Variants in PTBP3 observed in about 807,000 individuals in gnomAD.
The protein encoded by PTBP3 is polypyrimidine tract-binding protein 3.
PTBP3 carries 20 observed loss-of-function variants against 58.7 expected under a neutral mutation model. The ratio of observed to expected loss-of-function variants is 0.34; its 90% CI spans 0.24 to 0.50. PTBP3 has a LOEUF of 0.50. Among genes scored for constraint, PTBP3 ranks in the 20% least tolerant of loss-of-function variants. The pLI is 0.98. For synonymous variants in PTBP3, 185 were observed against 219.8 expected (o/e 0.84, Z 1.40); for missense variants, 509 against 637.2 (o/e 0.80, Z 2.17).
intron 7 of PTBP3, among the ~76,000 whole-genome samples, chr9:112,235,242 A>T (rs906728001): frequency 1.5e-4 from 23 of 151,568 alleles, no homozygotes; most frequent in Admixed American, 7.9e-4. Context: ...ATGCTGATTT[A>T]AAAAAAAATG....
At chr9:112,345,897 C>G in the PTBP3 span, among the ~76,000 whole-genome samples, 1 of 151,976 alleles carries the variant, frequency 6.6e-6, no homozygotes, top group East Asian at 1.9e-4. Context: ...CTCTGTTGCC[C>G]AGGCTGGAGT....
intron 2 of PTBP3, among the ~76,000 whole-genome samples, chr9:112,277,911 CATAACATAACAT>C (rs1564427452): frequency 2.4e-5 from 3 of 124,750 alleles, no homozygotes; most frequent in African/African-American, 9.8e-5. Flanking sequence ...CATAACATAA[CATAACATAACAT>C]AACATAACAT....
At chr9:112,345,341 TAAAAAAAAAAAAAA>T in the PTBP3 span, among the ~76,000 whole-genome samples, 1 of 63,688 alleles carries the variant, frequency 1.6e-5, no homozygotes, top group African/African-American at 5.6e-5. Context: ...CCCTCATCTC[TAAAAAAAAAAAAAA>T]AAAAAAAAAA....
At chr9:112,270,243 C>T (rs1827316599) in intron 3 of PTBP3, among the ~76,000 whole-genome samples, 1 of 152,080 alleles carries the variant, frequency 6.6e-6, no homozygotes, top group African/African-American at 2.4e-5. Context: ...CTTCTCCGTA[C>T]TCAATGTTTC....
the PTBP3 span, among the ~76,000 whole-genome samples, chr9:112,364,113 C>T: frequency 6.7e-6 from 1 of 148,850 alleles, no homozygotes; most frequent in Non-Finnish European, 1.5e-5. Flanking sequence ...TCCAGACTGG[C>T]TTCTTTCGCT....
chr9:112,294,603 C>T (rs930402912), intron 2 of PTBP3, among the ~76,000 whole-genome samples: 1 of 152,158 alleles, frequency 6.6e-6, no homozygotes, highest in African/African-American at 2.4e-5. Context: ...CAATTAAGAA[C>T]AAGACAAAGA....
At chr9:112,358,711 G>C in the PTBP3 span, among the ~76,000 whole-genome samples, 1 of 152,114 alleles carries the variant, frequency 6.6e-6, no homozygotes, top group African/African-American at 2.4e-5. Flanking sequence ...ACTCACTTGA[G>C]GCCAAGAGTT....
At chr9:112,281,623 G>A (rs1242405776) in intron 2 of PTBP3, among the ~76,000 whole-genome samples, 1 of 152,136 alleles carries the variant, frequency 6.6e-6, no homozygotes, top group East Asian at 1.9e-4. Flanking sequence ...GTCTGTGTAG[G>A]ATTGGTATTA....
At chr9:112,307,775 C>T (rs186997975) in intron 1 of PTBP3, among the ~76,000 whole-genome samples, 3 of 152,214 alleles carry the variant, frequency 2.0e-5, no homozygotes, top group African/African-American at 4.8e-5. Flanking sequence ...AAGAGTCACA[C>T]TACTTTGTAA....
In PTBP3 at chr9:112,333,513, CG is replaced by C. The variant is rs555391155; in HGVS notation, c.-96del. ...GAGGCGCGCACAGAGCAGGGACTGA[CG>C]GGCTAACCGCGAGCAGAGGAAGCAG... On this transcript the variant is annotated 5_prime_UTR_variant, in exon 1 of 14. Coordinates refer to ENST00000374257, the MANE Select transcript of PTBP3 (RefSeq NM_001163788.4). 4.2e-5 allele frequency: 67 copies of C among 1,583,368 alleles called. No homozygotes were observed. The African/African-American group carries it at 8.9e-4, about 21-fold the overall frequency.
In PTBP3 at chr9:112,219,218, G is replaced by A. The variant is rs763012898; in HGVS notation, c.*4633C>T. The A allele has an allele frequency of 6.6e-6, 1 of 152,458 alleles. No homozygotes were observed. Among genetic ancestry groups the A allele is most frequent in the Non-Finnish European group, 1.5e-5 (1 of 68,026 alleles). 9.4% of individuals were successfully genotyped at this position (152,458 alleles called of 1,614,324 possible). A position where few individuals can be genotyped will look rare whatever the true frequency, so the allele number is the denominator to read the frequency against. On this transcript the variant is annotated 3_prime_UTR_variant, in exon 14 of 14. Coordinates refer to ENST00000374257, the MANE Select transcript of PTBP3 (RefSeq NM_001163788.4). ...GACACTTTGATGCAAAACTTTGCTT[G>A]GTCAGCAATCTTTATAACTGGTACT... is the stretch of plus-strand genomic sequence containing the variant.
chr9:112,323,551 A>G (rs769149602), intron 1 of PTBP3, among the ~76,000 whole-genome samples: 4 of 152,252 alleles, frequency 2.6e-5, no homozygotes, highest in Non-Finnish European at 5.9e-5. Context: ...ATAACATGCA[A>G]TAAAAACGGA....
At chr9:112,376,558 G>A in the PTBP3 span, among the ~76,000 whole-genome samples, 1 of 151,948 alleles carries the variant, frequency 6.6e-6, no homozygotes, top group Non-Finnish European at 1.5e-5. Context: ...AGCCTATTAA[G>A]TATTAACTCA....
intron 1 of PTBP3, among the ~76,000 whole-genome samples, chr9:112,319,484 C>T (rs1188159764): frequency 6.6e-6 from 1 of 152,118 alleles, no homozygotes; most frequent in African/African-American, 2.4e-5. Context: ...CAAGACACTA[C>T]AAATTAAAAC....
intron 10 of PTBP3, among the ~76,000 whole-genome samples, chr9:112,229,589 A>G (rs2131966442): frequency 6.6e-6 from 1 of 152,182 alleles, no homozygotes; most frequent in African/African-American, 2.4e-5. Flanking sequence ...AAATCTTTCA[A>G]TAGTTACATC....
chr9:112,294,696 T>C (rs888899913), intron 2 of PTBP3, among the ~76,000 whole-genome samples: 1 of 152,198 alleles, frequency 6.6e-6, no homozygotes. Context: ...AATCCATATA[T>C]TTATATACTC....
At chr9:112,246,378 A>G (rs1332670463) in intron 7 of PTBP3, among the ~76,000 whole-genome samples, 1 of 152,120 alleles carries the variant, frequency 6.6e-6, no homozygotes, top group African/African-American at 2.4e-5. Flanking sequence ...ACAGTAACAA[A>G]TAATTTTGGC....
chr9:112,305,094 CAGG>C (rs757685103), intron 1 of PTBP3, among the ~76,000 whole-genome samples: 17 of 152,072 alleles, frequency 1.1e-4, no homozygotes, highest in Admixed American at 2.0e-4. Context: ...TTTATTTTTA[CAGG>C]AGTTTTTCAA....
intron 7 of PTBP3, among the ~76,000 whole-genome samples, chr9:112,250,598 C>T (rs1836069755): frequency 6.6e-6 from 1 of 152,148 alleles, no homozygotes; most frequent in East Asian, 1.9e-4. Context: ...GCATATATGG[C>T]AAAATTATTA....
Sources: allele counts gnomAD v4.1 joint callset (sites outside exome capture counted in the v4.1 genomes callset), GRCh38; gene constraint gnomAD v4.1.1; transcripts MANE v1.5; gene names NCBI Gene and HGNC (gene_info 2026-07-23, HGNC 2026-07-21).